KIAA1671: variants seen among roughly 807,000 people sequenced by gnomAD.
KIAA1671 encodes the protein uncharacterized protein KIAA1671.
A neutral mutation model predicts 131.2 loss-of-function variants in KIAA1671; 52 were observed. The observed-to-expected ratio is 0.40, with a 90% confidence interval of 0.32 to 0.50. KIAA1671 has a LOEUF of 0.50. Ranked by LOEUF, KIAA1671 falls within the 20% of genes least tolerant of loss-of-function variation. The pLI, the probability that KIAA1671 is intolerant of heterozygous loss-of-function variation, is 0.73. For missense variants in KIAA1671, 2,360 were observed against 2,364.2 expected, an observed-to-expected ratio of 1.00 and a Z score of 0.04; for synonymous variants, 1,003 against 961.6, an observed-to-expected ratio of 1.04 and a Z score of -0.80.
intron 6 of KIAA1671, among the ~76,000 whole-genome samples, chr22:25,164,978 C>CGCGTGTGT (rs1933592577): frequency 8.6e-6 from 1 of 116,584 alleles, no homozygotes; most frequent in African/African-American, 3.2e-5. Context: ...GAGTTGCAGG[C>CGCGTGTGT]GTGTGTGTGT....
At chr22:25,027,622 C>T (rs1437249042) in intron 2 of KIAA1671, among the ~76,000 whole-genome samples, 3 of 152,222 alleles carry the variant, frequency 2.0e-5, no homozygotes, top group Admixed American at 6.5e-5. Flanking sequence ...GTTTCCTTAT[C>T]TGTGTAGCAG....
chr22:25,162,303 C>T (rs927295066), intron 6 of KIAA1671, among the ~76,000 whole-genome samples: 4 of 152,186 alleles, frequency 2.6e-5, no homozygotes, highest in Admixed American at 6.5e-5. Context: ...GTGTCCCCCA[C>T]GCTGGCCTGG....
At chr22:25,025,095 C>T (rs1925864524) in intron 1 of KIAA1671, among the ~76,000 whole-genome samples, 1 of 74,698 alleles carries the variant, frequency 1.3e-5, no homozygotes, top group Non-Finnish European at 2.8e-5. Flanking sequence ...ATGTAGCTAC[C>T]AAGTGAAGCA....
chr22:25,079,558 CAG>C (rs1327192344), intron 6 of KIAA1671, among the ~76,000 whole-genome samples: 2 of 152,098 alleles, frequency 1.3e-5, no homozygotes, highest in Admixed American at 6.5e-5. Context: ...GACATTTGAA[CAG>C]AGACTTTAGA....
At chr22:25,063,703 T>C (rs1928304469) in intron 6 of KIAA1671, 1 of 152,184 alleles carries the variant, frequency 6.6e-6, no homozygotes, top group South Asian at 2.1e-4. Context: ...TTCCCAAAAT[T>C]ATTGAAATAT....
intron 6 of KIAA1671, among the ~76,000 whole-genome samples, chr22:25,105,015 T>A (rs141427575): frequency 6.6e-6 from 1 of 151,628 alleles, no homozygotes; most frequent in East Asian, 2.0e-4. Flanking sequence ...TTCTCTTTCT[T>A]TCTTTCCTTC....
intron 1 of KIAA1671, among the ~76,000 whole-genome samples, chr22:25,005,511 C>T (rs1404828300): frequency 6.6e-6 from 1 of 152,024 alleles, no homozygotes; most frequent in East Asian, 1.9e-4. Flanking sequence ...AAACTTGTTG[C>T]ACTCGGCAGT....
chr22:25,160,228 G>C (rs185238713), intron 6 of KIAA1671, among the ~76,000 whole-genome samples: 62 of 152,316 alleles, frequency 4.1e-4, no homozygotes, highest in Non-Finnish European at 2.4e-4. Flanking sequence ...AGCCGGAGCT[G>C]AGGATGGCAC....
chr22:24,980,517 G>A (rs902131894), intron 1 of KIAA1671, among the ~76,000 whole-genome samples: 2 of 151,698 alleles, frequency 1.3e-5, no homozygotes, highest in East Asian at 1.9e-4. Context: ...TGATCCACCC[G>A]CCTTGGCCTC....
At position 25,039,433 on chromosome 22, in the gene KIAA1671, T is replaced by C; in HGVS notation, c.2303T>C (p.Leu768Pro). The C allele has an allele frequency of 6.4e-7, 1 of 1,551,804 alleles. No homozygotes were observed. The highest frequency in any genetic ancestry group is 1.4e-5 in the African/African-American group (1 of 73,202). ...TLRSLRSWLS[L>P]KDRQLSQEVT... Reference sequence around the variant, plus strand: ...CGCAGCCTCAGGTCTTGGCTCTCACTGAAGGACAGGCAGCTGTCCCAGGAG... The same window carrying C: ...CGCAGCCTCAGGTCTTGGCTCTCACCGAAGGACAGGCAGCTGTCCCAGGAG... The change falls in exon 5 of 13, where the codon CTG becomes CCG. Residue 768 changes from leucine to proline, a missense_variant. Coordinates refer to ENST00000358431, the MANE Select transcript of KIAA1671 (RefSeq NM_001145206.2).
rs1569002621 is a variant in KIAA1671 at position 25,194,393 on chromosome 22, C to T, written c.*1992C>T. 2 of 152,222 alleles carry T rather than the reference C, an allele frequency of 1.3e-5. No homozygotes were observed. Among genetic ancestry groups the T allele is most frequent in the African/African-American group, 4.8e-5 (2 of 41,434 alleles). The allele number at this position is 152,222 out of a possible 1,614,324, so 9.4% of individuals were successfully genotyped here. A position where few individuals can be genotyped will look rare whatever the true frequency, so the allele number is the denominator to read the frequency against. On this transcript the variant is annotated 3_prime_UTR_variant, in exon 13 of 13. Transcript: ENST00000358431. Reference sequence around the variant, plus strand: ...ACCTGGCCTGAAACACATTCCTAGTCTTTTGATCCTGACTTCTTATCTGGG... The same window carrying T: ...ACCTGGCCTGAAACACATTCCTAGTTTTTTGATCCTGACTTCTTATCTGGG...
chr22:25,142,962 C>A (rs933749684), intron 6 of KIAA1671, among the ~76,000 whole-genome samples: 1 of 152,220 alleles, frequency 6.6e-6, no homozygotes, highest in African/African-American at 2.4e-5. Context: ...AGAGGCAGGC[C>A]CCAGCTGCGC....
intron 1 of KIAA1671, among the ~76,000 whole-genome samples, chr22:24,955,436 G>A (rs1262559994): frequency 1.3e-5 from 2 of 152,152 alleles, no homozygotes; most frequent in African/African-American, 2.4e-5. Context: ...TAGTTTTCTC[G>A]ACAGCCAGTG....
intron 1 of KIAA1671, among the ~76,000 whole-genome samples, chr22:24,961,269 G>A (rs924183101): frequency 1.3e-5 from 2 of 152,156 alleles, no homozygotes; most frequent in Non-Finnish European, 2.9e-5. Context: ...TGGTAGGATT[G>A]CAGATGTGAG....
chr22:25,166,717 C>T (rs1160096614), intron 6 of KIAA1671, among the ~76,000 whole-genome samples: 1 of 152,186 alleles, frequency 6.6e-6, no homozygotes, highest in African/African-American at 2.4e-5. Flanking sequence ...CTGTTGATAC[C>T]TCAAAACAGT....
At chr22:25,070,747 T>A (rs1928778490) in intron 6 of KIAA1671, among the ~76,000 whole-genome samples, 1 of 151,726 alleles carries the variant, frequency 6.6e-6, no homozygotes. Context: ...TTTATTTGAT[T>A]TAAAGGACTA....
intron 6 of KIAA1671, among the ~76,000 whole-genome samples, chr22:25,107,879 A>G (rs964172951): frequency 1.3e-5 from 2 of 152,014 alleles, no homozygotes; most frequent in African/African-American, 4.8e-5. Flanking sequence ...GTGGTGGTGC[A>G]CACCTGTAAT....
chr22:25,163,621 T>C (rs1933539382), intron 6 of KIAA1671, among the ~76,000 whole-genome samples: 1 of 151,702 alleles, frequency 6.6e-6, no homozygotes, highest in African/African-American at 2.4e-5. Flanking sequence ...TTTATATTTT[T>C]AGTAGAGATG....
intron 6 of KIAA1671, among the ~76,000 whole-genome samples, chr22:25,170,380 GT>G (rs1933805282): frequency 6.6e-6 from 1 of 152,196 alleles, no homozygotes; most frequent in South Asian, 2.1e-4. Context: ...GTTCTGTCTG[GT>G]GATGCGGTTG....
Sources: allele counts gnomAD v4.1 joint callset (sites outside exome capture counted in the v4.1 genomes callset), GRCh38; gene constraint gnomAD v4.1.1; transcripts MANE v1.5; gene names NCBI Gene and HGNC (gene_info 2026-07-23, HGNC 2026-07-21).